Variants in RBM19 observed in about 807,000 individuals in gnomAD.
RBM19 encodes the protein probable RNA-binding protein 19.
Under a neutral mutation model 116.8 loss-of-function variants are expected in RBM19, and 94 were observed. The observed-to-expected ratio is 0.80, with a 90% confidence interval of 0.68 to 0.95. The LOEUF is 0.95. RBM19 is among the 40% of genes least tolerant of loss of function. The pLI is 0.00. For synonymous variants in RBM19, 475 were observed against 494.1 expected (o/e 0.96, Z 0.51); for missense variants, 1,161 against 1,220.7 (o/e 0.95, Z 0.73).
At chr12:113,897,485 G>A (rs1034417455) in intron 21 of RBM19, among the ~76,000 whole-genome samples, 2 of 152,222 alleles carry the variant, frequency 1.3e-5, no homozygotes, top group African/African-American at 4.8e-5. Flanking sequence ...TAAATGACTT[G>A]TCCAAGTGTG....
chr12:113,823,043 C>T lies in RBM19; in HGVS notation c.*181G>A, dbSNP rs1210107301. 20 of 603,278 alleles carry T rather than the reference C, an allele frequency of 3.3e-5. No individual in the cohort carries two copies. Among genetic ancestry groups the T allele is most frequent in the Admixed American group, 1.5e-4 (5 of 33,264 alleles). 37.4% of individuals were successfully genotyped at this position (603,278 alleles called of 1,614,324 possible). ...CTGGTGAAACCCAGGATGCCTGGGC[C>T]GCTGGGCAGTGGCCTGAGGCCTTCC... On this transcript the variant is annotated 3_prime_UTR_variant, in exon 24 of 24. Transcript: ENST00000261741.
At chr12:113,934,552 G>A (rs1869884437) in intron 16 of RBM19, among the ~76,000 whole-genome samples, 1 of 152,244 alleles carries the variant, frequency 6.6e-6, no homozygotes, top group African/African-American at 2.4e-5. Flanking sequence ...GTTCATGGGT[G>A]CTAGGATACT....
rs746684907 is a variant in RBM19, at chr12:113,940,035, G to A, written c.1863C>T (p.Gly621=). The A allele has an allele frequency of 1.8e-5, 29 of 1,613,960 alleles. No homozygotes were observed. Among genetic ancestry groups the A allele is most frequent in the Admixed American group, 1.5e-4 (9 of 60,006 alleles). Residue 621 remains glycine, a synonymous_variant, in exon 15 of 24, where the codon GGC becomes GGT. Coordinates refer to ENST00000261741, the MANE Select transcript of RBM19 (RefSeq NM_016196.4). The stretch of plus-strand genomic sequence containing the variant: ...GGAACTCCACGATGGCAGTGATTCC[G>A]CCCTCTGGCAGCAGCACGCGGCCCA... The part of the protein sequence containing the change: ...GSLGRVLLPE[G]GITAIVEFLE...
chr12:113,902,625 T>C (rs1427468014), intron 21 of RBM19, among the ~76,000 whole-genome samples: 2 of 151,424 alleles, frequency 1.3e-5, no homozygotes, highest in African/African-American at 2.4e-5. Flanking sequence ...AAGACAACGT[T>C]ATATAAATGG....
intron 1 of RBM19, among the ~76,000 whole-genome samples, chr12:113,965,911 A>C (rs1228190905): frequency 6.6e-6 from 1 of 152,186 alleles, no homozygotes; most frequent in Non-Finnish European, 1.5e-5. Context: ...TTGTGGGAGC[A>C]GGGTATTCGC....
intron 21 of RBM19, among the ~76,000 whole-genome samples, chr12:113,868,362 T>C (rs1878988499): frequency 6.6e-6 from 1 of 151,410 alleles, no homozygotes. Context: ...CTGAATAGAG[T>C]CCTCGGGCAG....
chr12:113,917,162 T>C (rs1192430713), intron 20 of RBM19, among the ~76,000 whole-genome samples: 1 of 152,178 alleles, frequency 6.6e-6, no homozygotes, highest in Non-Finnish European at 1.5e-5. Flanking sequence ...CTTGCTGTAA[T>C]TTTTTCTTGA....
intron 23 of RBM19, among the ~76,000 whole-genome samples, chr12:113,831,666 C>G (rs1029018147): frequency 6.6e-6 from 1 of 152,226 alleles, no homozygotes; most frequent in Non-Finnish European, 1.5e-5. Context: ...GAAATGTTTG[C>G]GGAACACAGA....
chr12:113,937,431 C>T (rs958521217), intron 15 of RBM19, among the ~76,000 whole-genome samples: 3 of 152,112 alleles, frequency 2.0e-5, no homozygotes, highest in African/African-American at 7.2e-5. Flanking sequence ...GTATGAAACT[C>T]TAAAGTTTCA....
chr12:113,897,821 T>C (rs1279938805), intron 21 of RBM19, among the ~76,000 whole-genome samples: 1 of 152,234 alleles, frequency 6.6e-6, no homozygotes, highest in East Asian at 1.9e-4. Context: ...CCAGCTGTAG[T>C]AGCCCTTCCC....
At chr12:113,901,169 C>A (rs1025726351) in intron 21 of RBM19, among the ~76,000 whole-genome samples, 1 of 152,100 alleles carries the variant, frequency 6.6e-6, no homozygotes, top group African/African-American at 2.4e-5. Context: ...AAAATAGATC[C>A]TAGATAAAAT....
chr12:113,925,683 G>A (rs1008613028), intron 17 of RBM19, among the ~76,000 whole-genome samples: 2 of 152,172 alleles, frequency 1.3e-5, no homozygotes, highest in Non-Finnish European at 2.9e-5. Context: ...CCTCTCTGAA[G>A]CTCAGTCTCC....
chr12:113,865,733 T>A (rs1593504037), intron 21 of RBM19, among the ~76,000 whole-genome samples: 1 of 151,794 alleles, frequency 6.6e-6, no homozygotes, highest in Non-Finnish European at 1.5e-5. Flanking sequence ...AGTGCAACCA[T>A]ATGCTATTAC....
chr12:113,850,285 A>C (rs1267235454), intron 22 of RBM19, among the ~76,000 whole-genome samples: 1 of 152,004 alleles, frequency 6.6e-6, no homozygotes, highest in Non-Finnish European at 1.5e-5. Flanking sequence ...CCTTGGCCCT[A>C]CTCAGAATTT....
intron 21 of RBM19, among the ~76,000 whole-genome samples, chr12:113,893,972 C>T (rs1005682095): frequency 8.6e-5 from 13 of 151,276 alleles, no homozygotes; most frequent in African/African-American, 2.7e-4. Context: ...ACAGTCAGAG[C>T]GCAGGCGAGC....
chr12:113,918,064 C>T (rs963134793), intron 20 of RBM19, among the ~76,000 whole-genome samples: 3 of 151,878 alleles, frequency 2.0e-5, no homozygotes, highest in Admixed American at 6.6e-5. Flanking sequence ...CCAGCTCTTC[C>T]TTGGTTTATT....
At chr12:113,920,892 G>A (rs781281756) in intron 18 of RBM19, among the ~76,000 whole-genome samples, 6 of 152,128 alleles carry the variant, frequency 3.9e-5, no homozygotes, top group Non-Finnish European at 8.8e-5. Context: ...TAACATGGCT[G>A]CCACCTGAGG....
chr12:113,931,697 A>C (rs926592687), intron 16 of RBM19, among the ~76,000 whole-genome samples: 3 of 151,652 alleles, frequency 2.0e-5, no homozygotes, highest in African/African-American at 7.3e-5. Flanking sequence ...CCCCCTTCCT[A>C]CCACAGGGCC....
At chr12:113,912,458 G>A (rs891040240) in intron 21 of RBM19, among the ~76,000 whole-genome samples, 22 of 152,242 alleles carry the variant, frequency 1.4e-4, no homozygotes, top group Admixed American at 1.4e-3. Flanking sequence ...GCAGCAGAGA[G>A]GAGTGGCTCC....
Sources: allele counts gnomAD v4.1 joint callset (sites outside exome capture counted in the v4.1 genomes callset), GRCh38; gene constraint gnomAD v4.1.1; transcripts MANE v1.5; gene names NCBI Gene and HGNC (gene_info 2026-07-23, HGNC 2026-07-21).